Variants in POT1 observed in about 807,000 individuals in gnomAD.
POT1 encodes protection of telomeres protein 1.
Under a neutral mutation model 78.5 loss-of-function variants are expected in POT1, and 47 were observed. The ratio of observed to expected loss-of-function variants is 0.60; its 90% confidence interval spans 0.47 to 0.76. POT1 has a LOEUF of 0.76. POT1 is among the 30% of genes least tolerant of loss of function. The probability of loss-of-function intolerance (pLI) is 0.00; values close to 1 mark genes in which losing one functional copy is unlikely to be tolerated. For synonymous variants in POT1, 259 were observed against 260.7 expected (o/e 0.99, Z 0.06); for missense variants, 646 against 749.9 (o/e 0.86, Z 1.62).
rs146126681 is a variant in POT1, at chr7:124,856,740, G to C, written c.702+2217C>G. ...AAAATGGCGAAGGAAGGTATGCAGA[G>C]TGTGGAACTGAGGTGAATCTAAAAT... On this transcript the variant is annotated intron_variant, in intron 9 of 18. Coordinates refer to ENST00000357628, the MANE Select transcript of POT1 (RefSeq NM_015450.3). 1.2e-3 allele frequency among the ~76,000 whole-genome samples: 183 copies of C among 152,302 alleles called. 4 individuals are homozygous for C. The highest frequency in any genetic ancestry group is 0.011 in the Admixed American group (169 of 15,298).
At chr7:124,912,243 T>C (rs1197412003) in intron 3 of POT1, among the ~76,000 whole-genome samples, 2 of 151,316 alleles carry the variant, frequency 1.3e-5, no homozygotes, top group East Asian at 1.9e-4. Context: ...ATCTTTAAAA[T>C]TGGGGGAAAA....
intron 7 of POT1, among the ~76,000 whole-genome samples, chr7:124,868,411 C>T (rs770197503): frequency 6.6e-6 from 1 of 151,968 alleles, no homozygotes; most frequent in Admixed American, 6.6e-5. Flanking sequence ...ATTAACATTG[C>T]CTTAAATTAT....
At position 124,835,413 on chromosome 7, in the gene POT1, T is replaced by A; in HGVS notation, c.1371A>T (p.Gly457=). ...LSNECLLLIE[G]GTLSEICKLS... ...GTTTGCAAATTTCACTGAGTGTACC[T>A]CCTGTTAAGAGAATAAATAAATCCT... Residue 457 remains glycine, a splice_region_variant and synonymous_variant, in exon 15 of 19, where the codon GGA becomes GGT. Coordinates refer to ENST00000357628, the MANE Select transcript of POT1 (RefSeq NM_015450.3). 1 of 1,610,412 alleles carries A rather than the reference T, an allele frequency of 6.2e-7. No individual in the cohort carries two copies. Among genetic ancestry groups the A allele is most frequent in the Non-Finnish European group, 8.5e-7 (1 of 1,176,732 alleles).
chr7:124,832,015 A>AT (rs1328939113), intron 15 of POT1, among the ~76,000 whole-genome samples: 5 of 150,448 alleles, frequency 3.3e-5, no homozygotes, highest in Admixed American at 6.6e-5. Flanking sequence ...AAAAAAAAAA[A>AT]AAAAAAAGTT....
chr7:124,851,104 T>C (rs1472253364), intron 11 of POT1, among the ~76,000 whole-genome samples: 2 of 151,996 alleles, frequency 1.3e-5, no homozygotes, highest in East Asian at 1.9e-4. Context: ...AGTGAGATCC[T>C]GTTTCTACCA....
chr7:124,857,750 A>T (rs2116520640), intron 9 of POT1, among the ~76,000 whole-genome samples: 1 of 152,244 alleles, frequency 6.6e-6, no homozygotes, highest in African/African-American at 2.4e-5. Flanking sequence ...TGAATTTACC[A>T]TCTTCATTTT....
chr7:124,871,458 TAAAG>T (rs1055184053), intron 6 of POT1, among the ~76,000 whole-genome samples: 2 of 152,162 alleles, frequency 1.3e-5, no homozygotes, highest in Admixed American at 6.5e-5. Flanking sequence ...CCATACTGCA[TAAAG>T]AATTTATGAA....
chr7:124,901,259 A>C (rs1192820930), intron 3 of POT1, among the ~76,000 whole-genome samples: 1 of 152,178 alleles, frequency 6.6e-6, no homozygotes, highest in African/African-American at 2.4e-5. Flanking sequence ...GTAGGGGCCA[A>C]CTGACACCTC....
chr7:124,849,038 A>G (rs1795239602), intron 11 of POT1, among the ~76,000 whole-genome samples: 1 of 152,180 alleles, frequency 6.6e-6, no homozygotes, highest in African/African-American at 2.4e-5. Flanking sequence ...CTTACATTCT[A>G]TTATACATAA....
chr7:124,885,665 C>T (rs1449731607), intron 6 of POT1, among the ~76,000 whole-genome samples: 2 of 152,010 alleles, frequency 1.3e-5, no homozygotes, highest in African/African-American at 4.8e-5. Flanking sequence ...ACTCAGGAGG[C>T]TGAGGCAGGA....
In POT1 at chr7:124,847,072, C is replaced by T. The variant is rs1039318653; in HGVS notation, c.950-74G>A. 20 of 931,512 alleles carry T rather than the reference C, an allele frequency of 2.1e-5. No individual in the cohort carries two copies. The African/African-American group carries it at 3.0e-4, about 14-fold the overall frequency. The allele number at this position is 931,512 out of a possible 1,614,324, so 57.7% of individuals were successfully genotyped here. A position where few individuals can be genotyped will look rare whatever the true frequency, so the allele number is the denominator to read the frequency against. On this transcript the variant is annotated intron_variant, in intron 11 of 18. Coordinates refer to ENST00000357628, the MANE Select transcript of POT1 (RefSeq NM_015450.3). ...TAGAACTGAAAACAATGGAGCGTTG[C>T]TGAGAGAAACTGAAGAAAATATAAA...
intron 6 of POT1, among the ~76,000 whole-genome samples, chr7:124,887,115 A>C (rs1796260200): frequency 6.6e-6 from 1 of 152,094 alleles, no homozygotes; most frequent in African/African-American, 2.4e-5. Context: ...GTAACATTTG[A>C]AGAAAATTGA....
chr7:124,858,966 T>A lies in POT1; in HGVS notation c.693A>T (p.Arg231Ser), dbSNP rs1795514618. The change falls in exon 9 of 19, where the codon AGA becomes AGT. Residue 231 changes from arginine to serine, a missense_variant. Physicochemically the swap from Arg to Ser is moderately radical, Grantham distance 110 (BLOSUM62 -1). Around this residue, in one of 2 missense-constraint regions of POT1, gnomAD observed 252 missense variants for 341.4 expected, o/e 0.74. Coordinates refer to ENST00000357628, the MANE Select transcript of POT1 (RefSeq NM_015450.3). ...LVYDNHVHVA[R>S]SLKVGSFLRI... Reference sequence around the variant, plus strand: ...TCCTACTATACATCACCTTCAGAGATCTTGCCACATGAACATGGTTATCGT... The same window carrying A: ...TCCTACTATACATCACCTTCAGAGAACTTGCCACATGAACATGGTTATCGT... 1 of 1,605,018 alleles carries A rather than the reference T, an allele frequency of 6.2e-7. No homozygotes were observed. Among genetic ancestry groups the A allele is most frequent in the Non-Finnish European group, 8.5e-7 (1 of 1,174,402 alleles).
chr7:124,844,464 C>T (rs577894483), intron 12 of POT1, among the ~76,000 whole-genome samples: 96 of 144,252 alleles, frequency 6.7e-4, no homozygotes, highest in Non-Finnish European at 1.3e-3. Flanking sequence ...GCACCGGGCG[C>T]GGTGGCTCAC....
chr7:124,891,917 T>A (rs1266027469), intron 6 of POT1, among the ~76,000 whole-genome samples: 1 of 151,680 alleles, frequency 6.6e-6, no homozygotes, highest in East Asian at 1.9e-4. Flanking sequence ...TCAACTTCTA[T>A]AACAGAATTA....
intron 12 of POT1, among the ~76,000 whole-genome samples, chr7:124,843,450 TCTAA>T (rs751927081): frequency 2.0e-5 from 3 of 152,134 alleles, no homozygotes; most frequent in Non-Finnish European, 4.4e-5. Flanking sequence ...TTAAGGGTGA[TCTAA>T]CTGTCACAGG....
At chr7:124,909,395 C>G (rs914476930) in intron 3 of POT1, among the ~76,000 whole-genome samples, 2 of 151,776 alleles carry the variant, frequency 1.3e-5, no homozygotes, top group African/African-American at 2.4e-5. Flanking sequence ...TACCCTTAAG[C>G]AAACAAGCAA....
intron 2 of POT1, among the ~76,000 whole-genome samples, chr7:124,923,127 T>C (rs1797191846): frequency 6.6e-6 from 1 of 150,874 alleles, no homozygotes; most frequent in African/African-American, 2.4e-5. Context: ...AAATATGATA[T>C]CACCAAAAGA....
In POT1 at chr7:124,887,194, T is replaced by C. The variant is rs936000950; in HGVS notation, c.124+5072A>G. 2.0e-5 allele frequency among the ~76,000 whole-genome samples: 3 copies of C among 152,064 alleles called. No individual in the cohort carries two copies. The South Asian group carries it at 6.2e-4, about 31-fold the overall frequency. ...TGAACAGTATGATGGGGTGGGGAAA[T>C]GAAGACTCTGGGAATAAGCTGAAAT... On this transcript the variant is annotated intron_variant, in intron 6 of 18. Transcript: ENST00000357628.
Sources: allele counts gnomAD v4.1 joint callset (sites outside exome capture counted in the v4.1 genomes callset), GRCh38; gene constraint gnomAD v4.1.1; regional missense constraint gnomAD v4.1.1; transcripts MANE v1.5; gene names NCBI Gene and HGNC (gene_info 2026-07-23, HGNC 2026-07-21).